The following ITPR1 variants were observed in gnomAD, a reference collection of about 807,000 sequenced individuals.
ITPR1 encodes inositol 1,4,5-trisphosphate-gated calcium channel ITPR1.
ITPR1 carries 96 observed loss-of-function variants against 318.4 expected under a neutral mutation model. That is an observed-to-expected ratio of 0.30 (90% confidence interval 0.26 to 0.36). The LOEUF is 0.36. ITPR1 is among the 10% of genes least tolerant of loss of function. ITPR1 has a pLI of 1.00. For missense variants in ITPR1, 2,440 were observed against 3,460.2 expected (o/e 0.71, Z 7.40); for synonymous variants, 1,312 against 1,289.9 (o/e 1.02, Z -0.37).
chr3:4,658,108 G>T lies in ITPR1; in HGVS notation c.997-16G>T, dbSNP rs775595139. ...TGGCATGCATGGTTCTTGATTTGGT[G>T]ACTTTACCTCCTCAGGTGGACCCTG... On this transcript the variant is annotated splice_polypyrimidine_tract_variant and intron_variant, in intron 12 of 61. Transcript: ENST00000649015. 2 of 1,598,176 alleles carry T rather than the reference G, an allele frequency of 1.3e-6. No individual in the cohort carries two copies. Among genetic ancestry groups the T allele is most frequent in the Non-Finnish European group, 1.7e-6 (2 of 1,169,430 alleles).
chr3:4,826,558 G>C lies in ITPR1; in HGVS notation c.8028+8316G>C, dbSNP rs1238784486. Among the ~76,000 whole-genome samples, 1 of 152,174 alleles carries C rather than the reference G, an allele frequency of 6.6e-6. No homozygotes were observed. Among genetic ancestry groups the C allele is most frequent in the Non-Finnish European group, 1.5e-5 (1 of 68,020 alleles). The stretch of plus-strand genomic sequence containing the variant: ...ACTCGCCGCCCAGCCAGCCAGCCAG[G>C]CCTCTCTCACCCCACCCTGTGCACT... On this transcript the variant is annotated intron_variant, in intron 60 of 61. Transcript: ENST00000649015. This position sits in a 1 kb window ranked among gnomAD's most constrained non-coding sequence, Gnocchi z 4.2.
chr3:4,522,883 C>A (rs901714635), intron 4 of ITPR1, among the ~76,000 whole-genome samples: 15 of 152,176 alleles, frequency 9.9e-5, no homozygotes, highest in Admixed American at 9.8e-4. Flanking sequence ...TGGCTGGTGA[C>A]GGATGGAGTG....
chr3:4,820,025 G>A (rs750003498), intron 60 of ITPR1, among the ~76,000 whole-genome samples: 5 of 152,162 alleles, frequency 3.3e-5, no homozygotes, highest in African/African-American at 7.2e-5. Flanking sequence ...GGAGGGTGCT[G>A]GTGATTCTGG....
intron 44 of ITPR1, chr3:4,751,580 C>T (rs2044525921): frequency 6.6e-6 from 1 of 152,220 alleles, no homozygotes; most frequent in Non-Finnish European, 1.5e-5. Context: ...CTCTGCCTTG[C>T]CCAGAAGTTG....
At chr3:4,727,039 C>G in intron 41 of ITPR1, 87 bp from the exon 42 acceptor site, 1 of 1,108,520 alleles carries the variant, frequency 9.0e-7, no homozygotes, top group Non-Finnish European at 1.4e-6. Context: ...TATATGAACT[C>G]TCAATGTATT....
intron 44 of ITPR1, among the ~76,000 whole-genome samples, chr3:4,754,053 G>GGGT (rs2044759403): frequency 6.8e-6 from 1 of 146,562 alleles, no homozygotes; most frequent in Non-Finnish European, 1.5e-5. Context: ...GAAAATGGGG[G>GGGT]GGGGGTGGCA....
intron 5 of ITPR1, among the ~76,000 whole-genome samples, chr3:4,629,876 TAGA>T (rs1047007148): frequency 6.6e-6 from 1 of 151,918 alleles, no homozygotes; most frequent in African/African-American, 2.4e-5. Flanking sequence ...ATTTAGAGGG[TAGA>T]AGAAGAAGAA....
chr3:4,730,216 TAA>T (rs538473209), intron 42 of ITPR1, among the ~76,000 whole-genome samples: 7 of 116,940 alleles, frequency 6.0e-5, no homozygotes, highest in African/African-American at 1.5e-4. Flanking sequence ...ATCTCATCTT[TAA>T]AAAAAAAAAA....
chr3:4,588,353 TA>T (rs1559495747), intron 4 of ITPR1, among the ~76,000 whole-genome samples: 1 of 151,482 alleles, frequency 6.6e-6, no homozygotes, highest in Non-Finnish European at 1.5e-5. Context: ...TTTTTTTTTT[TA>T]AAGCCTGTTA....
chr3:4,759,588 T>C (rs776536037), intron 44 of ITPR1, among the ~76,000 whole-genome samples: 37 of 152,292 alleles, frequency 2.4e-4, no homozygotes, highest in Non-Finnish European at 3.5e-4. Context: ...GGTTTTCAAG[T>C]GCTGCTCTCC....
At chr3:4,526,399 T>A (rs2082980823) in intron 4 of ITPR1, among the ~76,000 whole-genome samples, 1 of 152,160 alleles carries the variant, frequency 6.6e-6, no homozygotes, top group Admixed American at 6.5e-5. Flanking sequence ...GTGAAGTTGG[T>A]TTCAAGCATC....
chr3:4,761,153 A>C (rs914171821), intron 44 of ITPR1, among the ~76,000 whole-genome samples: 1 of 151,928 alleles, frequency 6.6e-6, no homozygotes, highest in Non-Finnish European at 1.5e-5. Flanking sequence ...CTTTTATTTT[A>C]GATTCAGGAG....
chr3:4,679,185 T>C (rs184145591), intron 24 of ITPR1, among the ~76,000 whole-genome samples: 5 of 152,208 alleles, frequency 3.3e-5, no homozygotes, highest in East Asian at 1.9e-4. Context: ...GGCAACTGAC[T>C]GAGGTTGAGG....
chr3:4,761,741 C>T (rs187923188), intron 44 of ITPR1, among the ~76,000 whole-genome samples: 6 of 152,298 alleles, frequency 3.9e-5, no homozygotes, highest in East Asian at 3.9e-4. Flanking sequence ...GTAGAGGGGC[C>T]GTGCTTCAGG....
intron 4 of ITPR1, among the ~76,000 whole-genome samples, chr3:4,553,402 A>G (rs1382979196): frequency 6.6e-6 from 1 of 152,094 alleles, no homozygotes; most frequent in East Asian, 1.9e-4. Context: ...TTGATTGACT[A>G]AGACATTTGA....
intron 59 of ITPR1, among the ~76,000 whole-genome samples, chr3:4,816,875 G>A (rs746639117): frequency 7.2e-5 from 11 of 152,142 alleles, no homozygotes; most frequent in Non-Finnish European, 1.3e-4. Flanking sequence ...GCCCAATGAT[G>A]ATTTTTATGT....
chr3:4,533,058 T>C (rs1011139002), intron 4 of ITPR1, among the ~76,000 whole-genome samples: 4 of 152,134 alleles, frequency 2.6e-5, no homozygotes, highest in Admixed American at 2.6e-4. Flanking sequence ...TGTTTTTGCT[T>C]CCTGTGGAAG....
chr3:4,591,440 T>A (rs1190160761), intron 4 of ITPR1, among the ~76,000 whole-genome samples: 2 of 152,244 alleles, frequency 1.3e-5, no homozygotes, highest in African/African-American at 4.8e-5. Flanking sequence ...TGAGATGGTA[T>A]CTCATTGAGG....
At chr3:4,838,425 C>A (rs570822311) in intron 61 of ITPR1, among the ~76,000 whole-genome samples, 10 of 151,964 alleles carry the variant, frequency 6.6e-5, no homozygotes, top group East Asian at 1.9e-4. Flanking sequence ...CACTGCCCCC[C>A]CAACCCCCCA....
Sources: gnomAD v4.1 joint callset for allele counts (sites outside exome capture counted in the v4.1 genomes callset) on GRCh38, gnomAD v4.1.1 for gene constraint, Gnocchi (gnomAD v3.1) non-coding constraint, MANE v1.5 for transcripts, NCBI Gene and HGNC (gene_info 2026-07-23, HGNC 2026-07-21) for gene names.